Variants in OPCML observed in about 807,000 individuals in gnomAD.
OPCML encodes opioid binding protein/cell adhesion molecule like.
In OPCML, 13 loss-of-function variants were observed where a neutral mutation model predicts 37.8. The observed-to-expected ratio is 0.34, with a 90% CI of 0.22 to 0.55. The LOEUF (loss-of-function observed/expected upper bound fraction) is 0.55, where lower values mean the gene tolerates loss of function less well. OPCML is among the 20% of genes least tolerant of loss of function. The pLI, the probability that OPCML is intolerant of heterozygous loss-of-function variation, is 0.91. For synonymous variants in OPCML, 176 were observed against 168.8 expected, an observed-to-expected ratio of 1.04 and a Z score of -0.33; for missense variants, 341 against 435.6, an observed-to-expected ratio of 0.78 and a Z score of 1.93.
intron 3 of OPCML, among the ~76,000 whole-genome samples, chr11:132,599,855 G>A (rs1170086780): frequency 1.3e-5 from 2 of 152,112 alleles, no homozygotes; most frequent in Admixed American, 6.6e-5. Context: ...CATAGTATAT[G>A]CAAACATTTC....
chr11:132,610,645 A>G (rs1241858556), intron 3 of OPCML, among the ~76,000 whole-genome samples: 1 of 152,146 alleles, frequency 6.6e-6, no homozygotes, highest in Non-Finnish European at 1.5e-5. Context: ...CTTTGTCATT[A>G]CTTGCAGCCA....
chr11:132,503,159 T>C (rs2096249240), intron 4 of OPCML, among the ~76,000 whole-genome samples: 1 of 152,196 alleles, frequency 6.6e-6, no homozygotes, highest in Non-Finnish European at 1.5e-5. Flanking sequence ...ACAAAGGCAA[T>C]GTTGAAGAAC....
At chr11:132,734,007 A>AT (rs1312556204) in intron 2 of OPCML, among the ~76,000 whole-genome samples, 1 of 152,170 alleles carries the variant, frequency 6.6e-6, no homozygotes, top group Non-Finnish European at 1.5e-5. Flanking sequence ...AATTACTTAA[A>AT]TTTTATGTGA....
At chr11:132,425,686 G>A (rs1253242439) in intron 7 of OPCML, among the ~76,000 whole-genome samples, 1 of 152,180 alleles carries the variant, frequency 6.6e-6, no homozygotes. Flanking sequence ...TAGAATACTA[G>A]GTTCTCAAAG....
intron 4 of OPCML, among the ~76,000 whole-genome samples, chr11:132,525,152 A>G (rs1357731540): frequency 1.3e-5 from 2 of 152,150 alleles, no homozygotes; most frequent in Admixed American, 6.5e-5. Flanking sequence ...TCTACTTTTT[A>G]TATTTCAGAG....
At chr11:133,191,496 TGTGTGTGG>T (rs1030445966) in intron 1 of OPCML, among the ~76,000 whole-genome samples, 6 of 118,264 alleles carry the variant, frequency 5.1e-5, no homozygotes, top group African/African-American at 1.1e-4. Context: ...TTCTTTTCTG[TGTGTGTGG>T]GTGTGTGTGT....
rs982417748 is a variant in OPCML at position 132,420,045 on chromosome 11, C to G, written c.*148G>C. 1.4e-5 allele frequency: 4 copies of G among 296,190 alleles called. No homozygotes were observed. The Admixed American group carries it at 1.6e-4, about 12-fold the overall frequency. The allele number at this position is 296,190 out of a possible 1,614,324, so 18.3% of individuals were successfully genotyped here. On this transcript the variant is annotated 3_prime_UTR_variant, in exon 8 of 8. Coordinates refer to ENST00000524381, the MANE Select transcript of OPCML (RefSeq NM_001012393.5). ...CATTCAAGCTGGAAATAAAAGCAAA[C>G]AAACAAATAAACAAAAACAAAAAGA...
intron 2 of OPCML, among the ~76,000 whole-genome samples, chr11:132,704,720 T>C (rs1037700574): frequency 2.6e-5 from 4 of 152,214 alleles, no homozygotes; most frequent in Admixed American, 2.0e-4. Flanking sequence ...ACAATTCATA[T>C]CATCTAGATG....
At chr11:132,874,475 T>C (rs935994350) in intron 2 of OPCML, among the ~76,000 whole-genome samples, 1 of 143,254 alleles carries the variant, frequency 7.0e-6, no homozygotes, top group African/African-American at 2.5e-5. Flanking sequence ...CTTTCCTTCC[T>C]ATTTTAAAAA....
chr11:133,252,901 A>C (rs1400334665), intron 1 of OPCML, among the ~76,000 whole-genome samples: 1 of 152,098 alleles, frequency 6.6e-6, no homozygotes, highest in East Asian at 1.9e-4. Flanking sequence ...TAATCCCAGC[A>C]CTTTGGGAGG....
At chr11:133,285,842 A>G (rs1445586648) in intron 1 of OPCML, among the ~76,000 whole-genome samples, 3 of 152,194 alleles carry the variant, frequency 2.0e-5, no homozygotes, top group Admixed American at 2.0e-4. Flanking sequence ...GGCCCTGCAC[A>G]TTCTGTAAGG....
At chr11:132,974,237 A>T (rs772787040) in intron 1 of OPCML, among the ~76,000 whole-genome samples, 1 of 152,304 alleles carries the variant, frequency 6.6e-6, no homozygotes, top group African/African-American at 2.4e-5. Context: ...TTGGTCCTTC[A>T]TCTTCCAGCT....
chr11:132,830,735 C>T (rs544584190), intron 2 of OPCML, among the ~76,000 whole-genome samples: 1 of 152,276 alleles, frequency 6.6e-6, no homozygotes, highest in South Asian at 2.1e-4. Context: ...AGAATTCTGC[C>T]TCTCTATCTT....
intron 1 of OPCML, among the ~76,000 whole-genome samples, chr11:133,410,765 A>C (rs1395843210): frequency 1.3e-5 from 2 of 151,470 alleles, no homozygotes; most frequent in Non-Finnish European, 2.9e-5. Flanking sequence ...AAATATATTT[A>C]AAATAAACCT....
intron 1 of OPCML, among the ~76,000 whole-genome samples, chr11:133,328,582 C>A (rs75337868): frequency 6.6e-6 from 1 of 152,150 alleles, no homozygotes; most frequent in Non-Finnish European, 1.5e-5. Flanking sequence ...TTACCAAGTG[C>A]TGGGCACTTT....
At chr11:132,546,539 C>T (rs1003310998) in intron 3 of OPCML, among the ~76,000 whole-genome samples, 2 of 152,128 alleles carry the variant, frequency 1.3e-5, no homozygotes, top group Non-Finnish European at 2.9e-5. Context: ...ATCCAACATC[C>T]TTTTTAGTAA....
rs542733208 is a variant in OPCML, at chr11:133,471,009, G to T, written c.61+61255C>A. On this transcript the variant is annotated intron_variant, in intron 1 of 7. Transcript: ENST00000524381. ...CATCCCTACTAAGGAAAAGGCTTCT[G>T]TTAGATGACGTAGTGTGATAGGAGC... Among the ~76,000 whole-genome samples, 8 of 152,330 alleles carry T rather than the reference G, an allele frequency of 5.3e-5. No homozygotes were observed. The South Asian group carries it at 1.7e-3, about 32-fold the overall frequency.
intron 1 of OPCML, among the ~76,000 whole-genome samples, chr11:133,027,907 C>T (rs1222241512): frequency 1.5e-5 from 1 of 67,674 alleles, no homozygotes; most frequent in Non-Finnish European, 3.1e-5. Flanking sequence ...TGAAGGACAG[C>T]TGACAGAGAT....
chr11:132,691,965 G>C, intron 2 of OPCML, among the ~76,000 whole-genome samples: 1 of 152,120 alleles, frequency 6.6e-6, no homozygotes. Context: ...TACCCTCCTG[G>C]TTGCAACCTA....
Sources: allele counts gnomAD v4.1 joint callset (sites outside exome capture counted in the v4.1 genomes callset), GRCh38; gene constraint gnomAD v4.1.1; transcripts MANE v1.5; gene names NCBI Gene and HGNC (gene_info 2026-07-23, HGNC 2026-07-21).